HECW1: variants seen among roughly 807,000 people sequenced by gnomAD.
HECW1 encodes E3 ubiquitin-protein ligase HECW1.
A neutral mutation model predicts 182.3 loss-of-function variants in HECW1; 61 were observed. The observed-to-expected ratio is 0.33, with a 90% CI of 0.27 to 0.41. The LOEUF is 0.41. Ranked by LOEUF, HECW1 falls within the 10% of genes least tolerant of loss-of-function variation. The pLI is 1.00. For synonymous variants in HECW1, 859 were observed against 832.6 expected (o/e 1.03, Z -0.55); for missense variants, 1,739 against 2,108.9 (o/e 0.82, Z 3.44).
chr7:43,342,729 A>T lies in HECW1; in HGVS notation c.461-18157A>T, dbSNP rs116847298. ...AGATTTAAGTTCATTATTCTTAAGA[A>T]TGTTTATACATAGAGGCCGGGCATG... is the stretch of plus-strand genomic sequence containing the variant. On this transcript the variant is annotated intron_variant, in intron 5 of 29. Transcript: ENST00000395891. Among the ~76,000 whole-genome samples, 744 of 151,848 alleles carry T rather than the reference A, an allele frequency of 4.9e-3. 7 individuals carry two copies. The highest frequency in any genetic ancestry group is 7.7e-3 in the Non-Finnish European group (523 of 68,016).
intron 2 of HECW1, among the ~76,000 whole-genome samples, chr7:43,198,746 A>T (rs1362958103): frequency 6.6e-6 from 1 of 150,382 alleles, no homozygotes; most frequent in African/African-American, 2.5e-5. Context: ...CCACACTCTC[A>T]CACACTATAG....
intron 6 of HECW1, among the ~76,000 whole-genome samples, chr7:43,382,060 T>G (rs527906777): frequency 6.6e-6 from 1 of 152,162 alleles, no homozygotes; most frequent in Non-Finnish European, 1.5e-5. Context: ...CCAAGGCAGA[T>G]GGATCACGAG....
chr7:43,287,153 T>C (rs1804752758), intron 3 of HECW1, among the ~76,000 whole-genome samples: 1 of 152,196 alleles, frequency 6.6e-6, no homozygotes, highest in Non-Finnish European at 1.5e-5. Flanking sequence ...TTGTTTTCAG[T>C]GGTGTTAAAT....
chr7:43,365,467 G>T (rs1816522181), intron 6 of HECW1, among the ~76,000 whole-genome samples: 1 of 152,238 alleles, frequency 6.6e-6, no homozygotes, highest in Non-Finnish European at 1.5e-5. Context: ...CACCCGTGTG[G>T]GGCCATCTAC....
chr7:43,257,807 TGC>T (rs1252285327), intron 3 of HECW1, among the ~76,000 whole-genome samples: 2 of 152,102 alleles, frequency 1.3e-5, no homozygotes, highest in African/African-American at 4.8e-5. Flanking sequence ...CAAGTTATTT[TGC>T]CTCTCTATGT....
chr7:43,165,705 C>G (rs1791045527), intron 2 of HECW1, among the ~76,000 whole-genome samples: 1 of 152,070 alleles, frequency 6.6e-6, no homozygotes, highest in South Asian at 2.1e-4. Context: ...GTAATAGTTT[C>G]CTTACAATCA....
chr7:43,274,926 A>G (rs1802923187), intron 3 of HECW1, among the ~76,000 whole-genome samples: 1 of 152,206 alleles, frequency 6.6e-6, no homozygotes, highest in African/African-American at 2.4e-5. Context: ...ATTAAAAACT[A>G]TACAACTCAA....
At position 43,369,033 on chromosome 7, in the gene HECW1, T is replaced by A. The variant is rs574887751; in HGVS notation, c.555+8053T>A. On this transcript the variant is annotated intron_variant, in intron 6 of 29. Coordinates refer to ENST00000395891, the MANE Select transcript of HECW1 (RefSeq NM_015052.5). ...CAGGACATCTATGAAGCCCTGGTGT[T>A]TCATGGGCACATTTGCACATGTTGC... Among the ~76,000 whole-genome samples the A allele has an allele frequency of 8.5e-5, 13 of 152,194 alleles. No individual in the cohort carries two copies. In the South Asian group the frequency reaches 1.4e-3, roughly 17 times the overall value.
rs2081840550 is a variant in HECW1, at chr7:43,551,842, T to C, written c.4396-380T>C. On this transcript the variant is annotated intron_variant, in intron 27 of 29. Transcript: ENST00000395891. ...TCCAAGATCAAGGTACTAGCAGATT[T>C]GGTGTCTGGTAAGGGGCCACCTTCT... Among the ~76,000 whole-genome samples, 4 of 152,292 alleles carry C rather than the reference T, an allele frequency of 2.6e-5. No individual in the cohort carries two copies. The South Asian group carries it at 8.3e-4, about 32-fold the overall frequency.
intron 2 of HECW1, among the ~76,000 whole-genome samples, chr7:43,174,143 A>C (rs1441934077): frequency 6.6e-6 from 1 of 152,142 alleles, no homozygotes; most frequent in Non-Finnish European, 1.5e-5. Flanking sequence ...GCCTAGCCTT[A>C]AATGAGTCTT....
At position 43,121,167 on chromosome 7, in the gene HECW1, G is replaced by T. The variant is rs188175587; in HGVS notation, c.-32+6776G>T. On this transcript the variant is annotated intron_variant, in intron 2 of 29. Transcript: ENST00000395891. ...TGTTCTCTAACAGTTAAAGAGAGTG[G>T]CTAGCTTGAGCTTGTCTTTGCTTCC... 1.7e-4 allele frequency among the ~76,000 whole-genome samples: 26 copies of T among 152,208 alleles called. No individual in the cohort carries two copies. The East Asian group carries it at 4.8e-3, about 28-fold the overall frequency.
chr7:43,303,966 A>T (rs1262184763), intron 3 of HECW1, among the ~76,000 whole-genome samples: 1 of 152,148 alleles, frequency 6.6e-6, no homozygotes, highest in East Asian at 1.9e-4. Flanking sequence ...TCTCATCCCA[A>T]CACTTTCTTC....
rs550378186 is a variant in HECW1, at chr7:43,562,083, A to G, written c.*157A>G. ...CAGGATTGACAAAAGCTGTGCATGAAGAACTGCCTTCTTCTAAGATCTAAC... is the reference window on the plus strand; with the variant it reads ...CAGGATTGACAAAAGCTGTGCATGAGGAACTGCCTTCTTCTAAGATCTAAC... On this transcript the variant is annotated 3_prime_UTR_variant, in exon 30 of 30. Coordinates refer to ENST00000395891, the MANE Select transcript of HECW1 (RefSeq NM_015052.5). The G allele has an allele frequency of 5.0e-6, 3 of 598,506 alleles. No homozygotes were observed. The African/African-American group carries it at 5.6e-5, about 11-fold the overall frequency. 37.1% of individuals were successfully genotyped at this position (598,506 alleles called of 1,614,324 possible). A position where few individuals can be genotyped will look rare whatever the true frequency, so the allele number is the denominator to read the frequency against.
chr7:43,145,646 G>C (rs1314461963), intron 2 of HECW1, among the ~76,000 whole-genome samples: 4 of 152,144 alleles, frequency 2.6e-5, no homozygotes, highest in African/African-American at 9.7e-5. Context: ...GAGGTCTAGA[G>C]AATATGTCTC....
intron 6 of HECW1, 49 bp downstream of exon 6, chr7:43,361,029 T>A: frequency 7.5e-7 from 1 of 1,329,392 alleles, no homozygotes. Context: ...TGGTCTTTCT[T>A]CACTTTCCTA....
At chr7:43,179,580 T>TC (rs1562638326) in intron 2 of HECW1, among the ~76,000 whole-genome samples, 6 of 152,090 alleles carry the variant, frequency 3.9e-5, no homozygotes, top group African/African-American at 1.4e-4. Context: ...TTGTTGTTGT[T>TC]GTCGTTTTTG....
At chr7:43,191,897 T>C (rs932087257) in intron 2 of HECW1, among the ~76,000 whole-genome samples, 8 of 152,200 alleles carry the variant, frequency 5.3e-5, no homozygotes, top group African/African-American at 1.7e-4. Context: ...TAGCCAATAA[T>C]TGGTGCTCCT....
intron 5 of HECW1, among the ~76,000 whole-genome samples, chr7:43,322,835 A>G (rs1810310391): frequency 6.6e-6 from 1 of 152,228 alleles, no homozygotes; most frequent in Non-Finnish European, 1.5e-5. Context: ...CCATGCACCA[A>G]TTTTTTCCCT....
intron 5 of HECW1, among the ~76,000 whole-genome samples, chr7:43,328,620 C>T (rs1162805792): frequency 6.6e-6 from 1 of 152,218 alleles, no homozygotes; most frequent in Non-Finnish European, 1.5e-5. Context: ...ATCTGGGGGA[C>T]ATCAAAATTG....
Sources: gnomAD v4.1 joint callset for allele counts (sites outside exome capture counted in the v4.1 genomes callset) on GRCh38, gnomAD v4.1.1 for gene constraint, MANE v1.5 for transcripts, NCBI Gene and HGNC (gene_info 2026-07-23, HGNC 2026-07-21) for gene names.